TRMT44: variants seen among roughly 807,000 people sequenced by gnomAD.
TRMT44 encodes tRNA methyltransferase 44 homolog.
Under a neutral mutation model 77.3 loss-of-function variants are expected in TRMT44, and 78 were observed. The observed-to-expected ratio is 1.01, with a 90% confidence interval of 0.84 to 1.22. The LOEUF is 1.22. TRMT44 is among the 50% of genes most tolerant of loss of function. The pLI, the probability that TRMT44 is intolerant of heterozygous loss-of-function variation, is 0.00. For synonymous variants in TRMT44, 391 were observed against 383.3 expected, an observed-to-expected ratio of 1.02 and a Z score of -0.23; for missense variants, 1,090 against 964.4, an observed-to-expected ratio of 1.13 and a Z score of -1.73.
chr4:8,441,128 G>A lies in TRMT44; in HGVS notation c.306G>A (p.Glu102=), dbSNP rs1724649638. ...EQGTACCELE[E]AQGQCQQEEA... is the part of the protein sequence containing the mutation. ...GCACGGCATGTTGCGAACTTGAGGA[G>A]GCCCAGGGCCAGTGCCAGCAAGAGG... is the stretch of plus-strand genomic sequence containing the variant. Residue 102 remains glutamate (E), a synonymous_variant, in exon 1 of 11, where the codon GAG becomes GAA. Transcript: ENST00000389737. The A allele has an allele frequency of 6.6e-7, 1 of 1,519,002 alleles. No individual in the cohort carries two copies. Among genetic ancestry groups the A allele is most frequent in the South Asian group, 1.2e-5 (1 of 82,336 alleles). 94.1% of individuals were successfully genotyped at this position (1,519,002 alleles called of 1,614,324 possible). A position where few individuals can be genotyped will look rare whatever the true frequency, so the allele number is the denominator to read the frequency against.
chr4:8,487,666 G>A (rs1338231309), intron 2 of TRMT44, among the ~76,000 whole-genome samples: 1 of 152,014 alleles, frequency 6.6e-6, no homozygotes, highest in Admixed American at 6.6e-5. Context: ...TTGCCCCCTA[G>A]AAAAGCGGGA....
At chr4:8,502,911 C>T in the TRMT44 span, among the ~76,000 whole-genome samples, 4 of 152,192 alleles carry the variant, frequency 2.6e-5, no homozygotes, top group Non-Finnish European at 5.9e-5. Flanking sequence ...CTGGATTGGC[C>T]CAAGACCACT....
At chr4:8,503,723 C>T in the TRMT44 span, among the ~76,000 whole-genome samples, 2 of 152,242 alleles carry the variant, frequency 1.3e-5, no homozygotes, top group Non-Finnish European at 2.9e-5. Context: ...CGTCCAGAAG[C>T]TTCCTCTTCT....
At position 8,441,134 on chromosome 4, in the gene TRMT44, G is replaced by C. The variant is rs1322657309; in HGVS notation, c.312G>C (p.Gln104His). 3.3e-6 allele frequency: 5 copies of C among 1,522,704 alleles called. No individual in the cohort carries two copies. 94.3% of individuals were successfully genotyped at this position (1,522,704 alleles called of 1,614,324 possible). A position where few individuals can be genotyped will look rare whatever the true frequency, so the allele number is the denominator to read the frequency against. The change falls in exon 1 of 11, where the codon CAG becomes CAC. Residue 104 changes from glutamine to histidine, a missense_variant. By Grantham distance (24) the Gln-to-His change is conservative. Coordinates refer to ENST00000389737, the MANE Select transcript of TRMT44 (RefSeq NM_152544.3). The part of the protein sequence containing the change: ...GTACCELEEA[Q>H]GQCQQEEAQR... ...CATGTTGCGAACTTGAGGAGGCCCA[G>C]GGCCAGTGCCAGCAAGAGGAGGCAC...
Position 8,467,905 on chromosome 4 carries a change from C to A in TRMT44, c.1495-9C>A. ...GCTAAAATACTTGCTTTGCTTTCTT[C>A]AAACGCAGGTCTGTCTCGTTGGAAA... On this transcript the variant is annotated splice_polypyrimidine_tract_variant and intron_variant, in intron 8 of 10. Coordinates refer to ENST00000389737, the MANE Select transcript of TRMT44 (RefSeq NM_152544.3). 6.3e-7 allele frequency: 1 copy of A among 1,584,370 alleles called. No individual in the cohort carries two copies. The highest frequency in any genetic ancestry group is 1.1e-5 in the South Asian group (1 of 88,832).
intron 2 of TRMT44, among the ~76,000 whole-genome samples, chr4:8,486,285 T>C (rs1030718056): frequency 6.6e-5 from 10 of 152,336 alleles, no homozygotes; most frequent in African/African-American, 2.4e-4. Context: ...GCCTGGCCAC[T>C]GCGGTTTAGG....
Position 8,465,405 on chromosome 4 carries a change from C to G in TRMT44, c.1338C>G (p.Val446=), listed in dbSNP as rs1262979342. The G allele has an allele frequency of 6.2e-7, 1 of 1,613,140 alleles. No individual in the cohort carries two copies. Among genetic ancestry groups the G allele is most frequent in the African/African-American group, 1.3e-5 (1 of 74,836 alleles). Residue 446 remains valine, a synonymous_variant, in exon 8 of 11, where the codon GTC becomes GTG. Transcript: ENST00000389737. ...CTTCCTACAATTGCCGCTTCTTTGT[C>G]CTCCCCTGCTGCTTCTTTGACTTCA... ...ARSSYNCRFF[V]LPCCFFDFIG... is the part of the protein sequence containing the mutation.
chr4:8,441,692 C>T (rs984463188), intron 1 of TRMT44, among the ~76,000 whole-genome samples: 1 of 152,096 alleles, frequency 6.6e-6, no homozygotes, highest in Non-Finnish European at 1.5e-5. Flanking sequence ...TTGCGTAATA[C>T]CTAGGAGTTT....
chr4:8,464,135 T>G, intron 7 of TRMT44, 44 bp downstream of exon 7: 1 of 1,541,424 alleles, frequency 6.5e-7, no homozygotes, highest in Non-Finnish European at 9.0e-7. Flanking sequence ...GGGGAATGCT[T>G]CATCTTCTAA....
At chr4:8,471,915 T>C (rs1260552938) in intron 10 of TRMT44, among the ~76,000 whole-genome samples, 1 of 152,136 alleles carries the variant, frequency 6.6e-6, no homozygotes, top group Non-Finnish European at 1.5e-5. Context: ...CATCTGCAGC[T>C]TCCAGGTGTG....
chr4:8,454,517 G>T, intron 5 of TRMT44: 1 of 590,602 alleles, frequency 1.7e-6, no homozygotes, highest in East Asian at 2.8e-5. Context: ...TGGGCTGCAG[G>T]TTCCAGCTGT....
At chr4:8,458,015 C>G (rs1241927722) in intron 6 of TRMT44, among the ~76,000 whole-genome samples, 4 of 152,188 alleles carry the variant, frequency 2.6e-5, no homozygotes, top group Non-Finnish European at 5.9e-5. Context: ...GCTGCCAACC[C>G]AGCGCCAGAT....
chr4:8,464,773 A>G (rs1726414113), intron 7 of TRMT44, among the ~76,000 whole-genome samples: 1 of 152,254 alleles, frequency 6.6e-6, no homozygotes, highest in Admixed American at 6.5e-5. Context: ...TCATTTTTAT[A>G]AAAGTAATTA....
At chr4:8,483,572 C>T (rs1458827552) in intron 2 of TRMT44, among the ~76,000 whole-genome samples, 11 of 152,116 alleles carry the variant, frequency 7.2e-5, no homozygotes, top group African/African-American at 2.2e-4. Context: ...AAGTATTGTC[C>T]AGTCCTTTTT....
chr4:8,458,199 C>T (rs1315083358), intron 6 of TRMT44, among the ~76,000 whole-genome samples: 4 of 152,200 alleles, frequency 2.6e-5, no homozygotes, highest in Non-Finnish European at 4.4e-5. Context: ...CTGATAGAAA[C>T]GTTTTTAGAG....
rs189721464 is a variant in TRMT44 at position 8,492,733 on chromosome 4, C to A, written n.3892-533C>A. Among the ~76,000 whole-genome samples, 253 of 152,322 alleles carry A rather than the reference C, an allele frequency of 1.7e-3. 1 individual carries two copies. Among genetic ancestry groups the A allele is most frequent in the African/African-American group, 5.7e-3 (235 of 41,590 alleles). Reference sequence around the variant, plus strand: ...CCACCTCTGCTCACTGAGATAGATGCGTCTCTGCCTGCCTCCTTTGGAAAG... The same window carrying A: ...CCACCTCTGCTCACTGAGATAGATGAGTCTCTGCCTGCCTCCTTTGGAAAG... On this transcript the variant is annotated intron_variant and non_coding_transcript_variant, in intron 2 of 2. Transcript: ENST00000511366.
intron 1 of TRMT44, among the ~76,000 whole-genome samples, chr4:8,443,421 G>A (rs1419109044): frequency 6.6e-6 from 1 of 152,210 alleles, no homozygotes; most frequent in Non-Finnish European, 1.5e-5. Context: ...GCTCACCAGA[G>A]GACTTGTATC....
the TRMT44 span, among the ~76,000 whole-genome samples, chr4:8,499,768 G>A: frequency 2.6e-5 from 4 of 152,188 alleles, no homozygotes; most frequent in Non-Finnish European, 5.9e-5. Context: ...TGAGGGAGGA[G>A]GTTGGGAGGA....
chr4:8,458,798 A>G (rs1725973945), intron 6 of TRMT44, among the ~76,000 whole-genome samples: 1 of 152,138 alleles, frequency 6.6e-6, no homozygotes, highest in Admixed American at 6.5e-5. Context: ...TTTTAAGGAT[A>G]TAGTATATAA....
Sources: gnomAD v4.1 joint callset for allele counts (sites outside exome capture counted in the v4.1 genomes callset) on GRCh38, gnomAD v4.1.1 for gene constraint, MANE v1.5 for transcripts, NCBI Gene and HGNC (gene_info 2026-07-23, HGNC 2026-07-21) for gene names.